The following VTI1A variants were observed in gnomAD, a reference collection of about 807,000 sequenced individuals.
VTI1A encodes the protein vesicle transport through interaction with t-SNAREs homolog 1A.
Under a neutral mutation model 34.9 loss-of-function variants are expected in VTI1A, and 22 were observed. That is an observed-to-expected ratio of 0.63 (90% CI 0.45 to 0.90). The LOEUF is 0.90. Among genes scored for constraint, VTI1A ranks in the 40% least tolerant of loss-of-function variants. The probability of loss-of-function intolerance (pLI) is 0.00; values close to 1 mark genes in which losing one functional copy is unlikely to be tolerated. For synonymous variants in VTI1A, 87 were observed against 97.3 expected (o/e 0.89, Z 0.62); for missense variants, 268 against 275.6 (o/e 0.97, Z 0.20).
intron 7 of VTI1A, among the ~76,000 whole-genome samples, chr10:112,787,519 T>C (rs1021171264): frequency 1.3e-5 from 2 of 152,130 alleles, no homozygotes; most frequent in African/African-American, 4.8e-5. Flanking sequence ...GCAGATAAAT[T>C]TCTCTCTAAG....
At chr10:112,628,239 GTTTATAT>G (rs1289987210) in intron 5 of VTI1A, among the ~76,000 whole-genome samples, 1 of 151,876 alleles carries the variant, frequency 6.6e-6, no homozygotes, top group African/African-American at 2.4e-5. Flanking sequence ...GACATTTTTT[GTTTATAT>G]TTTATATTTA....
upstream of VTI1A, chr10:112,447,206 G>C (rs1846861111): frequency 1.6e-6 from 1 of 625,998 alleles, no homozygotes; most frequent in Non-Finnish European, 2.7e-6. Flanking sequence ...GGAGAACCGA[G>C]ATTGCGACGA....
At chr10:112,662,217 G>C in intron 5 of VTI1A, among the ~76,000 whole-genome samples, 1 of 152,054 alleles carries the variant, frequency 6.6e-6, no homozygotes, top group South Asian at 2.1e-4. Context: ...GGAAAAGTTT[G>C]ACTGTTAGTT....
chr10:112,827,484 C>G, the VTI1A span: 2 of 152,074 alleles, frequency 1.3e-5, no homozygotes, highest in Non-Finnish European at 2.9e-5. Flanking sequence ...GTTTCAAGTT[C>G]CATTTTCCCC....
At chr10:112,507,231 C>T (rs1238199781) in intron 3 of VTI1A, among the ~76,000 whole-genome samples, 5 of 152,110 alleles carry the variant, frequency 3.3e-5, no homozygotes, top group African/African-American at 4.8e-5. Flanking sequence ...CAAATGCTGG[C>T]GCGTTTCCAG....
intron 5 of VTI1A, among the ~76,000 whole-genome samples, chr10:112,627,954 C>G (rs1220539306): frequency 6.6e-6 from 1 of 152,144 alleles, no homozygotes; most frequent in Admixed American, 6.5e-5. Flanking sequence ...GATATTTAGG[C>G]AGAGAACAGA....
Position 112,607,708 on chromosome 10 carries a change from A to T in VTI1A, c.428-60510A>T, listed in dbSNP as rs1011797795. Among the ~76,000 whole-genome samples the T allele has an allele frequency of 2.0e-4, 31 of 152,206 alleles. 1 individual carries two copies. Among genetic ancestry groups the T allele is most frequent in the Admixed American group, 1.8e-3 (28 of 15,288 alleles). Reference sequence around the variant, plus strand: ...AGATGGTTCTGACTCGGTCTCTCGGACTCATGAGGTTATAATTAACTGTAG... The same window carrying T: ...AGATGGTTCTGACTCGGTCTCTCGGTCTCATGAGGTTATAATTAACTGTAG... On this transcript the variant is annotated intron_variant, in intron 5 of 7. Coordinates refer to ENST00000393077, the MANE Select transcript of VTI1A (RefSeq NM_145206.4).
the VTI1A span, chr10:112,827,855 C>A: frequency 6.6e-6 from 1 of 152,180 alleles, no homozygotes; most frequent in East Asian, 1.9e-4. Context: ...TAGACGCTGT[C>A]ATTTTTTTAA....
intron 4 of VTI1A, among the ~76,000 whole-genome samples, chr10:112,536,750 C>T (rs1850634967): frequency 1.3e-5 from 2 of 149,452 alleles, no homozygotes; most frequent in African/African-American, 4.9e-5. Context: ...TCTCACCCCC[C>T]CACCCTTCCC....
intron 3 of VTI1A, among the ~76,000 whole-genome samples, chr10:112,468,016 A>T (rs1415827539): frequency 6.6e-6 from 1 of 152,362 alleles, no homozygotes; most frequent in African/African-American, 2.4e-5. Context: ...ACATTATGTA[A>T]AGTGAATAAA....
intron 7 of VTI1A, among the ~76,000 whole-genome samples, chr10:112,741,746 C>T (rs1007228877): frequency 6.6e-6 from 1 of 151,934 alleles, no homozygotes; most frequent in Non-Finnish European, 1.5e-5. Context: ...AACTTTTTTA[C>T]CAGCGTAGAA....
chr10:112,567,115 G>T (rs561987323), intron 5 of VTI1A, among the ~76,000 whole-genome samples: 1 of 151,816 alleles, frequency 6.6e-6, no homozygotes, highest in African/African-American at 2.4e-5. Context: ...CTGCAGCCTC[G>T]ACCTCCCTGG....
intron 7 of VTI1A, chr10:112,736,648 G>A: frequency 6.5e-7 from 1 of 1,537,946 alleles, no homozygotes; most frequent in Non-Finnish European, 8.8e-7. Flanking sequence ...TTGGAAACAA[G>A]TATACAAACT....
At chr10:112,798,882 A>G (rs1333963733) in intron 7 of VTI1A, among the ~76,000 whole-genome samples, 2 of 152,120 alleles carry the variant, frequency 1.3e-5, no homozygotes, top group Non-Finnish European at 2.9e-5. Flanking sequence ...TGCATAGAAA[A>G]TGCACACCAT....
At chr10:112,656,986 C>T (rs1332169524) in intron 5 of VTI1A, among the ~76,000 whole-genome samples, 1 of 152,138 alleles carries the variant, frequency 6.6e-6, no homozygotes, top group Non-Finnish European at 1.5e-5. Flanking sequence ...ACCTTCCCCT[C>T]ACTCTCTTGG....
At chr10:112,538,202 G>A (rs1325771349) in intron 4 of VTI1A, 44 bp from the exon 5 acceptor site, 1 of 1,549,844 alleles carries the variant, frequency 6.5e-7, no homozygotes, top group Non-Finnish European at 8.9e-7. Flanking sequence ...AAAGAACATT[G>A]TAGACGGCCG....
intron 5 of VTI1A, among the ~76,000 whole-genome samples, chr10:112,587,287 C>T (rs1000025183): frequency 1.2e-4 from 18 of 152,016 alleles, no homozygotes; most frequent in Admixed American, 2.0e-4. Flanking sequence ...TAATACTTGC[C>T]ATGTACCTAC....
intron 7 of VTI1A, among the ~76,000 whole-genome samples, chr10:112,789,506 T>C (rs1162895805): frequency 6.6e-6 from 1 of 152,184 alleles, no homozygotes; most frequent in Non-Finnish European, 1.5e-5. Flanking sequence ...TACCAACATA[T>C]TTATCTGCTA....
chr10:112,778,515 T>G (rs1256582920), intron 7 of VTI1A, among the ~76,000 whole-genome samples: 3 of 152,218 alleles, frequency 2.0e-5, no homozygotes, highest in Non-Finnish European at 2.9e-5. Context: ...AAAAAGAATT[T>G]AATTATTCTA....
Sources: allele counts gnomAD v4.1 joint callset (sites outside exome capture counted in the v4.1 genomes callset), GRCh38; gene constraint gnomAD v4.1.1; transcripts MANE v1.5; gene names NCBI Gene and HGNC (gene_info 2026-07-23, HGNC 2026-07-21).